The following EYS variants were observed in gnomAD, a reference collection of about 807,000 sequenced individuals.
EYS encodes the protein EGF-like photoreceptor maintenance factor.
EYS carries 250 observed loss-of-function variants against 282.1 expected under a neutral mutation model. The ratio of observed to expected loss-of-function variants is 0.89; its 90% CI spans 0.80 to 0.98. The LOEUF is 0.98. Among genes scored for constraint, EYS ranks in the 50% least tolerant of loss-of-function variants. EYS has a pLI of 0.00. For synonymous variants in EYS, 1,355 were observed against 1,282.9 expected (o/e 1.06, Z -1.20); for missense variants, 4,016 against 3,709.0 (o/e 1.08, Z -2.15).
chr6:65,274,026 G>A (rs906669270), intron 12 of EYS, among the ~76,000 whole-genome samples: 5 of 152,144 alleles, frequency 3.3e-5, no homozygotes, highest in Non-Finnish European at 7.3e-5. Flanking sequence ...ATGGAGGTCA[G>A]GTGAGCAGTG....
intron 41 of EYS, among the ~76,000 whole-genome samples, chr6:63,728,276 C>A (rs946181812): frequency 6.6e-6 from 1 of 152,052 alleles, no homozygotes; most frequent in Non-Finnish European, 1.5e-5. Context: ...ATATCTAATA[C>A]TTGATTTATT....
At chr6:64,446,983 G>T (rs1013996317) in intron 26 of EYS, among the ~76,000 whole-genome samples, 27 of 128,048 alleles carry the variant, frequency 2.1e-4, no homozygotes, top group Admixed American at 4.0e-4. Flanking sequence ...GTATGTGTGT[G>T]TGTGGGGGGG....
At chr6:64,645,775 T>A (rs984634150) in intron 22 of EYS, among the ~76,000 whole-genome samples, 4 of 152,208 alleles carry the variant, frequency 2.6e-5, no homozygotes, top group African/African-American at 9.6e-5. Flanking sequence ...TTTTTAATTC[T>A]CTTTTTTTAG....
chr6:64,167,686 G>T (rs1438123858), intron 31 of EYS, among the ~76,000 whole-genome samples: 2 of 152,098 alleles, frequency 1.3e-5, no homozygotes, highest in Admixed American at 1.3e-4. Context: ...CTGCCTAGAT[G>T]TATGCATATG....
intron 11 of EYS, among the ~76,000 whole-genome samples, chr6:65,332,857 C>G (rs1241510795): frequency 6.6e-6 from 1 of 151,310 alleles, no homozygotes; most frequent in Admixed American, 6.6e-5. Context: ...CTTCTTGAAT[C>G]AATTTCAGTA....
intron 31 of EYS, among the ~76,000 whole-genome samples, chr6:64,173,436 C>T (rs1208363985): frequency 6.6e-6 from 1 of 152,060 alleles, no homozygotes. Context: ...GGAATCAGTC[C>T]TTGGAGTTTA....
At chr6:64,123,110 T>G (rs1773645971) in intron 31 of EYS, among the ~76,000 whole-genome samples, 1 of 152,190 alleles carries the variant, frequency 6.6e-6, no homozygotes, top group Non-Finnish European at 1.5e-5. Context: ...GCTGAAGAGA[T>G]ATCTGAGCTC....
At position 65,227,142 on chromosome 6, in the gene EYS, AAAC is replaced by A. The variant is rs201585601; in HGVS notation, c.2023+68718_2023+68720del. Among the ~76,000 whole-genome samples the A allele has an allele frequency of 2.9e-3, 443 of 151,038 alleles. 4 individuals are homozygous for A. The highest frequency in any genetic ancestry group is 0.01 in the African/African-American group (414 of 40,644). ...CAGCTACTCGGGAGGCTGAGGGGAA[AAAC>A]AACAACAACAACCAAAAAAAAAAAA... On this transcript the variant is annotated intron_variant, in intron 12 of 42. Coordinates refer to ENST00000503581, the MANE Select transcript of EYS (RefSeq NM_001142800.2).
chr6:64,322,066 C>G (rs747155641), intron 29 of EYS, among the ~76,000 whole-genome samples: 5 of 151,892 alleles, frequency 3.3e-5, no homozygotes, highest in African/African-American at 1.2e-4. Flanking sequence ...AAAATTTATA[C>G]ATGGATTTAA....
intron 1 of EYS, among the ~76,000 whole-genome samples, chr6:65,692,781 AT>A (rs1769290184): frequency 6.7e-6 from 1 of 150,104 alleles, no homozygotes; most frequent in Admixed American, 6.7e-5. Context: ...AATTGCTACA[AT>A]TTTAAAAAAA....
intron 16 of EYS, among the ~76,000 whole-genome samples, chr6:64,909,058 C>A (rs1014855337): frequency 6.6e-6 from 1 of 152,064 alleles, no homozygotes; most frequent in East Asian, 1.9e-4. Context: ...CTATCAAAAG[C>A]TTTTACCGCA....
intron 1 of EYS, among the ~76,000 whole-genome samples, chr6:65,642,330 T>C (rs1439914325): frequency 2.0e-5 from 3 of 152,242 alleles, no homozygotes; most frequent in East Asian, 3.9e-4. Context: ...TTAAGCATAA[T>C]TAAGCACTGC....
At chr6:65,351,272 C>G (rs755822505) in intron 9 of EYS, among the ~76,000 whole-genome samples, 1 of 151,596 alleles carries the variant, frequency 6.6e-6, no homozygotes, top group Non-Finnish European at 1.5e-5. Context: ...TCAGATGTAG[C>G]GGTCACATAA....
intron 31 of EYS, among the ~76,000 whole-genome samples, chr6:64,122,387 C>T (rs143900868): frequency 4.2e-4 from 64 of 151,996 alleles, no homozygotes; most frequent in African/African-American, 1.5e-3. Flanking sequence ...CTTTCTAGCC[C>T]CAGATTTCTA....
intron 12 of EYS, among the ~76,000 whole-genome samples, chr6:65,058,279 T>C (rs1773474337): frequency 6.6e-6 from 1 of 151,998 alleles, no homozygotes; most frequent in African/African-American, 2.4e-5. Context: ...GCCTCCTGAG[T>C]AGCTGGAATT....
At chr6:64,085,321 C>T (rs530796881) in intron 31 of EYS, among the ~76,000 whole-genome samples, 76 of 143,622 alleles carry the variant, frequency 5.3e-4, no homozygotes, top group African/African-American at 1.9e-3. Context: ...CAGACGCGCG[C>T]GCGTGCGCAC....
intron 29 of EYS, among the ~76,000 whole-genome samples, chr6:64,314,194 CAAAAAAA>C (rs138447983): frequency 7.2e-5 from 2 of 27,676 alleles, no homozygotes; most frequent in South Asian, 2.6e-3. Flanking sequence ...AAATGGAAAG[CAAAAAAA>C]AAAAAAAAAA....
intron 5 of EYS, among the ~76,000 whole-genome samples, chr6:65,440,666 T>TA (rs1360537192): frequency 6.7e-6 from 1 of 150,168 alleles, no homozygotes; most frequent in East Asian, 1.9e-4. Flanking sequence ...GTAAAGCTAA[T>TA]TTTTTTTGTA....
intron 28 of EYS, among the ~76,000 whole-genome samples, chr6:64,408,095 A>G (rs983460945): frequency 6.6e-6 from 1 of 152,066 alleles, no homozygotes; most frequent in African/African-American, 2.4e-5. Context: ...TTGGAGTATT[A>G]TTTCTCCTTA....
Sources: allele counts gnomAD v4.1 joint callset (sites outside exome capture counted in the v4.1 genomes callset), GRCh38; gene constraint gnomAD v4.1.1; transcripts MANE v1.5; gene names NCBI Gene and HGNC (gene_info 2026-07-23, HGNC 2026-07-21).